PCDH15: variants seen among roughly 807,000 people sequenced by gnomAD.
PCDH15 encodes the protein protocadherin-15.
Under a neutral mutation model 178.5 loss-of-function variants are expected in PCDH15, and 129 were observed. That is an observed-to-expected ratio of 0.72 (90% confidence interval 0.63 to 0.84). PCDH15 has a LOEUF of 0.84. PCDH15 is among the 40% of genes least tolerant of loss of function. The pLI, the probability that PCDH15 is intolerant of heterozygous loss-of-function variation, is 0.00. For synonymous variants in PCDH15, 800 were observed against 732.0 expected (o/e 1.09, Z -1.50); for missense variants, 2,230 against 2,099.9 (o/e 1.06, Z -1.21).
chr10:54,327,608 C>T (rs1222455766), intron 7 of PCDH15, among the ~76,000 whole-genome samples: 1 of 151,862 alleles, frequency 6.6e-6, no homozygotes, highest in Non-Finnish European at 1.5e-5. Flanking sequence ...TACACATACA[C>T]ATTCTGTGTC....
intron 3 of PCDH15, among the ~76,000 whole-genome samples, chr10:54,443,378 T>C (rs1192200217): frequency 6.6e-6 from 1 of 151,518 alleles, no homozygotes; most frequent in Non-Finnish European, 1.5e-5. Context: ...TTTTTTTTCA[T>C]ATTAGATGTT....
intron 2 of PCDH15, among the ~76,000 whole-genome samples, chr10:55,025,961 T>C (rs1264133911): frequency 1.3e-5 from 2 of 152,016 alleles, no homozygotes; most frequent in African/African-American, 4.8e-5. Context: ...TTTGTTAGAC[T>C]GGCAGAATAT....
rs1156739074 is a variant in PCDH15, at chr10:53,854,437, G to A, written c.3806+2738C>T. Among the ~76,000 whole-genome samples, 11 of 152,060 alleles carry A rather than the reference G, an allele frequency of 7.2e-5. No homozygotes were observed. In the East Asian group the frequency reaches 2.1e-3, roughly 29 times the overall value. On this transcript the variant is annotated intron_variant, in intron 28 of 37. Transcript: ENST00000644397. Reference sequence around the variant, plus strand: ...GTTTTTTAATCACAACAAAAGGAATGGGGCATGTATGTGCTGCTTAATAAA... The same window carrying A: ...GTTTTTTAATCACAACAAAAGGAATAGGGCATGTATGTGCTGCTTAATAAA...
chr10:54,488,198 T>C (rs533685862), intron 3 of PCDH15, among the ~76,000 whole-genome samples: 1 of 152,076 alleles, frequency 6.6e-6, no homozygotes, highest in South Asian at 2.1e-4. Flanking sequence ...AATTTAAAAC[T>C]ATGTTTTCAA....
chr10:55,053,673 T>G (rs1466118127), intron 2 of PCDH15, among the ~76,000 whole-genome samples: 3 of 152,216 alleles, frequency 2.0e-5, no homozygotes, highest in Non-Finnish European at 4.4e-5. Context: ...GACACATTCT[T>G]GGTTACTCTG....
chr10:53,939,715 A>T (rs1473594366), intron 24 of PCDH15, among the ~76,000 whole-genome samples: 1 of 152,118 alleles, frequency 6.6e-6, no homozygotes, highest in Non-Finnish European at 1.5e-5. Flanking sequence ...TGGCTAGAAG[A>T]GTAGTTAATA....
intron 2 of PCDH15, among the ~76,000 whole-genome samples, chr10:54,998,162 T>C (rs1260797672): frequency 6.6e-6 from 1 of 152,146 alleles, no homozygotes; most frequent in Non-Finnish European, 1.5e-5. Flanking sequence ...TTAATTCAAA[T>C]TATGGACTAT....
intron 1 of PCDH15, among the ~76,000 whole-genome samples, chr10:55,185,991 G>A (rs922761649): frequency 6.6e-6 from 1 of 151,532 alleles, no homozygotes; most frequent in African/African-American, 2.4e-5. Flanking sequence ...ATTTGTTTGG[G>A]ACTTGGAAAT....
intron 2 of PCDH15, among the ~76,000 whole-genome samples, chr10:55,513,972 C>T (rs766683725): frequency 9.9e-5 from 15 of 151,928 alleles, no homozygotes; most frequent in Non-Finnish European, 1.5e-4. Flanking sequence ...AGATACTCAA[C>T]GAGTAGACTA....
At chr10:54,185,619 TAAGA>T (rs1371042072) in intron 11 of PCDH15, among the ~76,000 whole-genome samples, 1 of 151,958 alleles carries the variant, frequency 6.6e-6, no homozygotes, top group Non-Finnish European at 1.5e-5. Flanking sequence ...ACTGGAGAAA[TAAGA>T]AATAAAAGCA....
intron 5 of PCDH15, among the ~76,000 whole-genome samples, chr10:54,368,849 T>C (rs528039316): frequency 3.3e-4 from 50 of 152,080 alleles, no homozygotes; most frequent in African/African-American, 1.1e-3. Context: ...TAAGTAAGCA[T>C]GTAGATGGAT....
intron 1 of PCDH15, among the ~76,000 whole-genome samples, chr10:55,197,336 G>C (rs2132154002): frequency 6.6e-6 from 1 of 152,008 alleles, no homozygotes; most frequent in Non-Finnish European, 1.5e-5. Flanking sequence ...GCATCTTTTT[G>C]CTCTAAAACA....
chr10:54,106,191 T>A (rs530043251), intron 15 of PCDH15, among the ~76,000 whole-genome samples: 1 of 152,156 alleles, frequency 6.6e-6, no homozygotes, highest in Non-Finnish European at 1.5e-5. Context: ...TAAAATTGAC[T>A]GTGGTGATGG....
Position 55,580,478 on chromosome 10 carries a change from C to T in PCDH15, c.-156+47147G>A, listed in dbSNP as rs546926498. 5.9e-5 allele frequency among the ~76,000 whole-genome samples: 9 copies of T among 151,954 alleles called. No individual in the cohort carries two copies. In the South Asian group the frequency reaches 1.5e-3, roughly 25 times the overall value. ...GTTCAAGCAATTCTCCTGCCTCAGCCTCTCGAGCAGCTGGGATTACAGGTG... is the reference window on the plus strand; with the variant it reads ...GTTCAAGCAATTCTCCTGCCTCAGCTTCTCGAGCAGCTGGGATTACAGGTG... On this transcript the variant is annotated intron_variant, in intron 2 of 5. Transcript: ENST00000613346.
chr10:53,882,313 T>C (rs2080781283), intron 26 of PCDH15, among the ~76,000 whole-genome samples: 4 of 152,148 alleles, frequency 2.6e-5, no homozygotes, highest in Non-Finnish European at 4.4e-5. Context: ...CACCAATAAA[T>C]AGCATGGGCT....
intron 3 of PCDH15, among the ~76,000 whole-genome samples, chr10:54,395,254 T>A (rs1394534385): frequency 3.9e-5 from 6 of 152,118 alleles, no homozygotes; most frequent in Non-Finnish European, 5.9e-5. Context: ...ATAAAAGTAT[T>A]AATTTGGGGA....
At chr10:55,155,875 G>T (rs1838873294) in intron 2 of PCDH15, among the ~76,000 whole-genome samples, 1 of 152,072 alleles carries the variant, frequency 6.6e-6, no homozygotes, top group Non-Finnish European at 1.5e-5. Context: ...GTAAAGATCA[G>T]CTATTAGCGA....
At chr10:54,498,822 G>T (rs1392802197) in intron 3 of PCDH15, among the ~76,000 whole-genome samples, 2 of 152,108 alleles carry the variant, frequency 1.3e-5, no homozygotes, top group Non-Finnish European at 2.9e-5. Context: ...GGTTTAATTG[G>T]CTCATGGTTC....
At chr10:54,022,102 G>A (rs2092939555) in intron 19 of PCDH15, among the ~76,000 whole-genome samples, 1 of 151,416 alleles carries the variant, frequency 6.6e-6, no homozygotes, top group South Asian at 2.1e-4. Context: ...GTGGACTGCA[G>A]GTGGAAAAAT....
Sources: allele counts gnomAD v4.1 joint callset (sites outside exome capture counted in the v4.1 genomes callset), GRCh38; gene constraint gnomAD v4.1.1; transcripts MANE v1.5; gene names NCBI Gene and HGNC (gene_info 2026-07-23, HGNC 2026-07-21).